CACHD1: variants seen among roughly 807,000 people sequenced by gnomAD.
CACHD1 encodes the protein cache domain containing 1, also known as VWFA and cache domain-containing protein 1.
CACHD1 carries 71 observed loss-of-function variants against 138.7 expected under a neutral mutation model. The ratio of observed to expected loss-of-function variants is 0.51; its 90% CI spans 0.42 to 0.62. The LOEUF (loss-of-function observed/expected upper bound fraction) is 0.62. Among genes scored for constraint, CACHD1 ranks in the 20% least tolerant of loss-of-function variants. The probability of loss-of-function intolerance (pLI) is 0.00; values close to 1 mark genes in which losing one functional copy is unlikely to be tolerated. For synonymous variants in CACHD1, 578 were observed against 591.5 expected (o/e 0.98, Z 0.33); for missense variants, 1,389 against 1,625.3 (o/e 0.85, Z 2.50).
In CACHD1 at chr1:64,666,075, T is replaced by C; in HGVS notation, c.2295T>C (p.Ala765=). 6.2e-7 allele frequency: 1 copy of C among 1,606,930 alleles called. No homozygotes were observed. Among genetic ancestry groups the C allele is most frequent in the African/African-American group, 1.3e-5 (1 of 74,830 alleles). ...TRRQWYLHAV[A]NPGLISLTGP... Reference sequence around the variant, plus strand: ...CCATTAGGTATCTCCATGCAGTAGCTAATCCAGGGTTGATTTCTTTGACTG... The same window carrying C: ...CCATTAGGTATCTCCATGCAGTAGCCAATCCAGGGTTGATTTCTTTGACTG... The change falls in exon 16 of 27, where the codon GCT becomes GCC. Residue 765 remains alanine, a synonymous_variant. Coordinates refer to ENST00000651257, the MANE Select transcript of CACHD1 (RefSeq NM_020925.4).
rs554248886 is a variant in CACHD1, at chr1:64,688,356, C to T, written c.3587-2967C>T. ...GGAGCCTAGCACCCAATCTAACACTCCAGACTTAGCACTGCTAAAGCTGAG... is the reference window on the plus strand; with the variant it reads ...GGAGCCTAGCACCCAATCTAACACTTCAGACTTAGCACTGCTAAAGCTGAG... On this transcript the variant is annotated intron_variant, in intron 26 of 26. Transcript: ENST00000651257. Among the ~76,000 whole-genome samples the T allele has an allele frequency of 1.7e-3, 254 of 152,270 alleles. 1 individual carries two copies. Among genetic ancestry groups the T allele is most frequent in the Non-Finnish European group, 2.7e-3 (183 of 68,012 alleles).
intron 2 of CACHD1, among the ~76,000 whole-genome samples, chr1:64,553,444 C>A (rs888782830): frequency 6.6e-6 from 1 of 152,172 alleles, no homozygotes; most frequent in Admixed American, 6.5e-5. Context: ...ATCACTCACA[C>A]TTCTATGTCC....
chr1:64,574,193 G>T (rs1282299918), intron 2 of CACHD1, among the ~76,000 whole-genome samples: 1 of 152,154 alleles, frequency 6.6e-6, no homozygotes, highest in African/African-American at 2.4e-5. Context: ...AGAAGAAAAG[G>T]TCTTTTTGTT....
In CACHD1 at chr1:64,663,789, C is replaced by A; in HGVS notation, c.2046C>A (p.Thr682=). The change falls in exon 14 of 27, where the codon ACC becomes ACA. Residue 682 remains threonine, a synonymous_variant. Coordinates refer to ENST00000651257, the MANE Select transcript of CACHD1 (RefSeq NM_020925.4). ...PETKRMVEHY[T]AYLSDNTRLI... is the part of the protein sequence containing the mutation. Reference sequence around the variant, plus strand: ...CAAAGCGCATGGTAGAGCACTACACCGCCTATCTCAGCGACAACACCCGCC... The same window carrying A: ...CAAAGCGCATGGTAGAGCACTACACAGCCTATCTCAGCGACAACACCCGCC... 6.2e-7 allele frequency: 1 copy of A among 1,614,076 alleles called. No individual in the cohort carries two copies. Among genetic ancestry groups the A allele is most frequent in the Non-Finnish European group, 8.5e-7 (1 of 1,180,004 alleles).
chr1:64,617,990 G>T (rs1647771472), intron 4 of CACHD1, among the ~76,000 whole-genome samples: 1 of 151,528 alleles, frequency 6.6e-6, no homozygotes, highest in African/African-American at 2.4e-5. Flanking sequence ...TGAGGCAAGA[G>T]AATCACTTGA....
chr1:64,549,107 A>G (rs973979067), intron 1 of CACHD1, among the ~76,000 whole-genome samples: 8 of 152,214 alleles, frequency 5.3e-5, no homozygotes, highest in African/African-American at 1.9e-4. Context: ...TAAAATATAC[A>G]CATGAGGCAC....
At chr1:64,523,965 T>A (rs1338610522) in intron 1 of CACHD1, among the ~76,000 whole-genome samples, 1 of 152,122 alleles carries the variant, frequency 6.6e-6, no homozygotes, top group African/African-American at 2.4e-5. Flanking sequence ...TGCATAGAAT[T>A]GTTATAGCTC....
At position 64,492,263 on chromosome 1, in the gene CACHD1, T is replaced by C. The variant is rs534011833; in HGVS notation, c.198+21321T>C. On this transcript the variant is annotated intron_variant, in intron 1 of 26. Coordinates refer to ENST00000651257, the MANE Select transcript of CACHD1 (RefSeq NM_020925.4). ...AAACAACTTATATTTTGGAAATGTTTTATCCTTAGCAAAAGGCTAGTGGAA... is the reference window on the plus strand; with the variant it reads ...AAACAACTTATATTTTGGAAATGTTCTATCCTTAGCAAAAGGCTAGTGGAA... Among the ~76,000 whole-genome samples the C allele has an allele frequency of 3.3e-5, 5 of 150,192 alleles. No individual in the cohort carries two copies. In the South Asian group the frequency reaches 1.1e-3, roughly 32 times the overall value.
intron 26 of CACHD1, among the ~76,000 whole-genome samples, chr1:64,683,073 T>C (rs1650244854): frequency 6.6e-6 from 1 of 152,090 alleles, no homozygotes; most frequent in African/African-American, 2.4e-5. Context: ...GTATCTACAC[T>C]AAAAAATGCA....
At chr1:64,613,142 G>A (rs1276323524) in intron 4 of CACHD1, among the ~76,000 whole-genome samples, 1 of 152,208 alleles carries the variant, frequency 6.6e-6, no homozygotes, top group East Asian at 1.9e-4. Flanking sequence ...TAGAAGTAGA[G>A]CCTGAAGATG....
intron 25 of CACHD1, 34 bp from the exon 26 acceptor site, chr1:64,681,971 A>T: frequency 1.3e-6 from 2 of 1,569,598 alleles, no homozygotes; most frequent in Non-Finnish European, 1.8e-6. Context: ...ATACTGGCAT[A>T]AGAGTGACAT....
chr1:64,615,036 C>T (rs1647663452), intron 4 of CACHD1, among the ~76,000 whole-genome samples: 1 of 152,168 alleles, frequency 6.6e-6, no homozygotes, highest in Admixed American at 6.5e-5. Context: ...TCCTTGAGTC[C>T]TCCAGGCTCT....
intron 3 of CACHD1, among the ~76,000 whole-genome samples, chr1:64,590,021 T>C (rs1647085098): frequency 6.6e-6 from 1 of 152,100 alleles, no homozygotes; most frequent in Admixed American, 6.6e-5. Flanking sequence ...AAAAAGTTAA[T>C]GCTCAGCCGG....
chr1:64,478,281 C>T (rs912149190), intron 1 of CACHD1, among the ~76,000 whole-genome samples: 9 of 152,064 alleles, frequency 5.9e-5, no homozygotes, highest in African/African-American at 2.2e-4. Context: ...GCTGTCTGGC[C>T]CTTGATTTCA....
intron 24 of CACHD1, among the ~76,000 whole-genome samples, chr1:64,680,350 C>T (rs963415620): frequency 2.0e-5 from 3 of 151,924 alleles, no homozygotes; most frequent in Non-Finnish European, 4.4e-5. Flanking sequence ...CTAGCCGGTG[C>T]GGTGGCACCT....
rs1648225581 is a variant in CACHD1 at position 64,629,458 on chromosome 1, G to C, written c.621G>C (p.Lys207Asn). 1.2e-6 allele frequency: 2 copies of C among 1,613,954 alleles called. No individual in the cohort carries two copies. Among genetic ancestry groups the C allele is most frequent in the Non-Finnish European group, 1.7e-6 (2 of 1,179,950 alleles). ...TCCCAGCACACAAGTTCCGGTGTAAGGGCAGCTACGAACACCGCAGTAGGT... is the reference window on the plus strand; with the variant it reads ...TCCCAGCACACAAGTTCCGGTGTAACGGCAGCTACGAACACCGCAGTAGGT... ...TVFPAHKFRCKGSYEHRSRPI... is the reference protein window; with the variant it reads ...TVFPAHKFRCNGSYEHRSRPI... Residue 207 changes from lysine to asparagine, a missense_variant, in exon 5 of 27, where the codon AAG becomes AAC. Around this residue, in one of 5 missense-constraint regions of CACHD1, gnomAD observed 1,000 missense variants for 1,114.7 expected, o/e 0.90. Transcript: ENST00000651257.
At chr1:64,667,690 C>G (rs1306941006) in intron 16 of CACHD1, among the ~76,000 whole-genome samples, 1 of 152,114 alleles carries the variant, frequency 6.6e-6, no homozygotes, top group East Asian at 1.9e-4. Context: ...AAGCAGTCAC[C>G]TTGGTCTTTG....
At chr1:64,569,693 G>A (rs894305157) in intron 2 of CACHD1, among the ~76,000 whole-genome samples, 1 of 152,082 alleles carries the variant, frequency 6.6e-6, no homozygotes, top group Non-Finnish European at 1.5e-5. Context: ...TTTTATAAAA[G>A]TCAGCTTTTC....
intron 25 of CACHD1, 54 bp downstream of exon 25, chr1:64,681,389 A>G: frequency 7.3e-7 from 1 of 1,361,118 alleles, no homozygotes; most frequent in Admixed American, 1.7e-5. Context: ...CTAATCCAGA[A>G]TAAATATTCT....
Sources: gnomAD v4.1 joint callset for allele counts (sites outside exome capture counted in the v4.1 genomes callset) on GRCh38, gnomAD v4.1.1 for gene constraint, gnomAD v4.1.1 regional missense constraint, MANE v1.5 for transcripts, NCBI Gene and HGNC (gene_info 2026-07-23, HGNC 2026-07-21) for gene names.